Variants in LRP1B observed in about 807,000 individuals in gnomAD.
LRP1B encodes LDL receptor related protein 1B, also known as low-density lipoprotein receptor-related protein 1B.
A neutral mutation model predicts 556.6 loss-of-function variants in LRP1B; 217 were observed. The observed-to-expected ratio is 0.39, with a 90% CI of 0.35 to 0.44. The LOEUF is 0.44. LRP1B is among the 20% of genes least tolerant of loss of function. LRP1B has a pLI of 1.00. For missense variants in LRP1B, 5,053 were observed against 5,620.8 expected (o/e 0.90, Z 3.23); for synonymous variants, 2,047 against 1,865.8 (o/e 1.10, Z -2.50).
At chr2:141,372,355 A>T (rs1689257640) in intron 3 of LRP1B, among the ~76,000 whole-genome samples, 1 of 151,848 alleles carries the variant, frequency 6.6e-6, no homozygotes, top group Non-Finnish European at 1.5e-5. Context: ...TTATTTTGTT[A>T]TATCTTTGTT....
intron 1 of LRP1B, among the ~76,000 whole-genome samples, chr2:142,030,520 T>C (rs1703656020): frequency 6.6e-6 from 1 of 151,912 alleles, no homozygotes; most frequent in Non-Finnish European, 1.5e-5. Context: ...AGATAGCTGA[T>C]ATCTGGGGGT....
At chr2:141,917,023 C>A (rs532670884) in intron 1 of LRP1B, among the ~76,000 whole-genome samples, 16 of 152,222 alleles carry the variant, frequency 1.1e-4, no homozygotes, top group African/African-American at 3.9e-4. Flanking sequence ...AAATTTTAAA[C>A]CTTCATCTTT....
chr2:140,947,939 T>C (rs916172557), intron 20 of LRP1B, among the ~76,000 whole-genome samples: 4 of 152,252 alleles, frequency 2.6e-5, no homozygotes, highest in African/African-American at 9.6e-5. Flanking sequence ...CATACAGTAA[T>C]CTACTAGTGA....
chr2:140,272,131 T>C (rs775823532), intron 85 of LRP1B, among the ~76,000 whole-genome samples: 1 of 151,968 alleles, frequency 6.6e-6, no homozygotes, highest in Non-Finnish European at 1.5e-5. Context: ...CAGAAATTTG[T>C]AGACATTTTA....
At chr2:141,689,038 T>A (rs565520536) in intron 2 of LRP1B, among the ~76,000 whole-genome samples, 1 of 151,966 alleles carries the variant, frequency 6.6e-6, no homozygotes, top group Non-Finnish European at 1.5e-5. Flanking sequence ...TCAATTAAAG[T>A]GCTGTCTCTC....
At chr2:141,237,321 G>GT (rs1237690718) in intron 5 of LRP1B, among the ~76,000 whole-genome samples, 1 of 144,962 alleles carries the variant, frequency 6.9e-6, no homozygotes, top group Non-Finnish European at 1.5e-5. Flanking sequence ...CTAAAGCTGT[G>GT]TTTTTTATCT....
chr2:140,439,561 A>T (rs1438801325), intron 66 of LRP1B, among the ~76,000 whole-genome samples: 1 of 152,178 alleles, frequency 6.6e-6, no homozygotes, highest in African/African-American at 2.4e-5. Flanking sequence ...AATTTAATCT[A>T]AATGTGCCAA....
intron 3 of LRP1B, among the ~76,000 whole-genome samples, chr2:141,391,454 G>T (rs1023500388): frequency 2.6e-5 from 4 of 152,124 alleles, no homozygotes; most frequent in Non-Finnish European, 4.4e-5. Flanking sequence ...CAGGCTTACA[G>T]GCAACAGAGA....
Position 141,363,370 on chromosome 2 carries a change from G to A in LRP1B, c.344-108729C>T, listed in dbSNP as rs187141974. On this transcript the variant is annotated intron_variant, in intron 3 of 90. Transcript: ENST00000389484. ...TCTCTATTGAGGGCTGTTAGGCCAC[G>A]TAACTACAAATTTTTAAGGAACTGG... 3.2e-4 allele frequency among the ~76,000 whole-genome samples: 48 copies of A among 152,172 alleles called. 1 individual carries two copies. The highest frequency in any genetic ancestry group is 2.1e-3 in the East Asian group (11 of 5,182).
chr2:142,002,253 G>T (rs994922765), intron 1 of LRP1B, among the ~76,000 whole-genome samples: 6 of 152,018 alleles, frequency 3.9e-5, no homozygotes, highest in African/African-American at 7.2e-5. Flanking sequence ...TAACAGTCAA[G>T]AATTCTAATT....
chr2:141,179,892 C>CTTTT lies in LRP1B; in HGVS notation c.1013+8525_1013+8528dup, dbSNP rs11433781. On this transcript the variant is annotated intron_variant, in intron 7 of 90. Transcript: ENST00000389484. ...CACAAAAGCTGAATGTTGGTTTTTC[C>CTTTT]TTTTTTTTTTTTTTTTTTGGTTGAA... Among the ~76,000 whole-genome samples, 552 of 125,984 alleles carry CTTTT rather than the reference C, an allele frequency of 4.4e-3. 2 individuals are homozygous for CTTTT. The highest frequency in any genetic ancestry group is 0.024 in the Middle Eastern group (5 of 212). 82.7% of individuals were successfully genotyped at this position (125,984 alleles called of 152,430 possible). A position where few individuals can be genotyped will look rare whatever the true frequency, so the allele number is the denominator to read the frequency against.
At chr2:140,700,710 T>G in intron 40 of LRP1B, 89 bp from the exon 41 acceptor site, 1 of 1,342,040 alleles carries the variant, frequency 7.5e-7, no homozygotes, top group Non-Finnish European at 1.0e-6. Flanking sequence ...ATATTAAAAC[T>G]TTGATGTTGA....
At chr2:140,769,020 G>A (rs957630408) in intron 35 of LRP1B, among the ~76,000 whole-genome samples, 193 bp downstream of exon 35, 3 of 67,914 alleles carry the variant, frequency 4.4e-5, no homozygotes, top group Admixed American at 1.3e-4. Flanking sequence ...ACTTTAGGAC[G>A]ATTTTACTTG....
chr2:141,466,165 G>A (rs946285903), intron 3 of LRP1B, among the ~76,000 whole-genome samples: 4 of 152,182 alleles, frequency 2.6e-5, no homozygotes, highest in African/African-American at 4.8e-5. Flanking sequence ...GGGATTACAG[G>A]CATGAGCCAC....
intron 7 of LRP1B, among the ~76,000 whole-genome samples, chr2:141,074,669 C>G (rs530291618): frequency 1.4e-5 from 2 of 148,138 alleles, no homozygotes; most frequent in African/African-American, 4.9e-5. Flanking sequence ...TGGCCTTTGA[C>G]AGGCTCTTTA....
chr2:141,801,079 TG>T (rs1268010394), intron 2 of LRP1B, among the ~76,000 whole-genome samples: 1 of 152,176 alleles, frequency 6.6e-6, no homozygotes, highest in African/African-American at 2.4e-5. Context: ...TTCTTTTTAC[TG>T]TCAAATTACA....
chr2:140,594,298 A>C (rs1177728782), intron 43 of LRP1B, among the ~76,000 whole-genome samples: 2 of 152,212 alleles, frequency 1.3e-5, no homozygotes, highest in Non-Finnish European at 2.9e-5. Context: ...ACAAACAAGC[A>C]AAAATCATCT....
In LRP1B at chr2:141,810,334, C is replaced by T. The variant is rs1218689719; in HGVS notation, c.150G>A (p.Trp50Ter). ...HDHVTCVSQS[W>*]LCDGDPDCPD... ...GGCAGTCAGGGTCCCCATCACACAGCCAGCTCTGGGAGACACAAGTCACGT... is the reference window on the plus strand; with the variant it reads ...GGCAGTCAGGGTCCCCATCACACAGTCAGCTCTGGGAGACACAAGTCACGT... The change falls in exon 2 of 91, where the codon TGG becomes TGA. Residue 50 changes from tryptophan (W) to a stop codon, truncating the protein, a stop_gained. Coordinates refer to ENST00000389484, the MANE Select transcript of LRP1B (RefSeq NM_018557.3). LOFTEE classifies it high-confidence loss of function. The T allele has an allele frequency of 6.2e-7, 1 of 1,613,058 alleles. No homozygotes were observed. Among genetic ancestry groups the T allele is most frequent in the Non-Finnish European group, 8.5e-7 (1 of 1,179,482 alleles).
chr2:141,328,673 C>T (rs1687520427), intron 3 of LRP1B, among the ~76,000 whole-genome samples: 1 of 152,164 alleles, frequency 6.6e-6, no homozygotes, highest in African/African-American at 2.4e-5. Context: ...AGTTACTGTT[C>T]TGGGAGTATT....
Sources: allele counts gnomAD v4.1 joint callset (sites outside exome capture counted in the v4.1 genomes callset), GRCh38; gene constraint gnomAD v4.1.1; transcripts MANE v1.5; gene names NCBI Gene and HGNC (gene_info 2026-07-23, HGNC 2026-07-21).